EEIG1: variants seen among roughly 807,000 people sequenced by gnomAD.
The protein encoded by EEIG1 is early estrogen-induced gene 1 protein.
the EEIG1 span, chr9:127,950,706 G>A: frequency 4.3e-6 from 6 of 1,407,188 alleles, no homozygotes; most frequent in Non-Finnish European, 5.6e-6. Flanking sequence ...CAAGGACAGA[G>A]GCCCCGGGTC....
chr9:127,949,098 G>A, the EEIG1 span, among the ~76,000 whole-genome samples: 1 of 152,018 alleles, frequency 6.6e-6, no homozygotes, highest in Non-Finnish European at 1.5e-5. Context: ...GGCAGATCAC[G>A]AGGTCAGGGG....
At chr9:127,944,942 T>A in the EEIG1 span, 3 of 1,594,262 alleles carry the variant, frequency 1.9e-6, no homozygotes, top group Non-Finnish European at 2.6e-6. Flanking sequence ...GTCAGGGCAG[T>A]AACAGGTACA....
the EEIG1 span, among the ~76,000 whole-genome samples, chr9:127,945,998 C>T: frequency 3.3e-5 from 5 of 152,362 alleles, no homozygotes; most frequent in South Asian, 4.1e-4. The surrounding 1 kb of genome is among the most constrained non-coding windows in gnomAD (Gnocchi z 6.5). Context: ...GGAAGAAGAA[C>T]GCTGAACAAA....
chr9:127,943,614 C>T, the EEIG1 span: 2 of 245,616 alleles, frequency 8.1e-6, no homozygotes, highest in Admixed American at 1.0e-4. Flanking sequence ...CTTTCCCTGC[C>T]GAGCCCAGGC....
At chr9:127,947,782 C>T in the EEIG1 span, among the ~76,000 whole-genome samples, 1 of 152,172 alleles carries the variant, frequency 6.6e-6, no homozygotes, top group Non-Finnish European at 1.5e-5. Context: ...GGTAGACATG[C>T]ATTTATCTAT....
At chr9:127,944,865 G>T in the EEIG1 span, 1 of 1,612,446 alleles carries the variant, frequency 6.2e-7, no homozygotes, top group Non-Finnish European at 8.5e-7. Context: ...CGTCCACCCA[G>T]GTCGGGTGGC....
At chr9:127,945,690 G>C in the EEIG1 span, 7 of 1,592,944 alleles carry the variant, frequency 4.4e-6, no homozygotes, top group Non-Finnish European at 6.0e-6. This position sits in a 1 kb window ranked among gnomAD's most constrained non-coding sequence, Gnocchi z 6.5. Context: ...GGAGTTGCGG[G>C]AGTGGCCAGA....
the EEIG1 span, chr9:127,944,838 C>T: frequency 2.6e-5 from 42 of 1,612,256 alleles, no homozygotes; most frequent in African/African-American, 8.0e-5. Flanking sequence ...CGATGGCATC[C>T]GCATCGATCC....
At chr9:127,947,792 T>C in the EEIG1 span, among the ~76,000 whole-genome samples, 1 of 152,328 alleles carries the variant, frequency 6.6e-6, no homozygotes, top group Non-Finnish European at 1.5e-5. Context: ...CATTTATCTA[T>C]GGCTTGATTG....
the EEIG1 span, among the ~76,000 whole-genome samples, chr9:127,970,442 G>A: frequency 3.9e-5 from 6 of 152,058 alleles, no homozygotes; most frequent in South Asian, 4.1e-4. Flanking sequence ...TTTTGTCTCC[G>A]GCTTTCTTTG....
the EEIG1 span, chr9:127,950,552 A>G: frequency 6.2e-7 from 1 of 1,613,314 alleles, no homozygotes; most frequent in African/African-American, 1.3e-5. Flanking sequence ...AGGAGGTGAG[A>G]GGAGCGTGTG....
At chr9:127,948,261 G>A in the EEIG1 span, 1 of 1,613,132 alleles carries the variant, frequency 6.2e-7, no homozygotes, top group East Asian at 2.2e-5. Context: ...AGGGTGCCCT[G>A]CTTCAGGACC....
chr9:127,976,043 T>C, the EEIG1 span, among the ~76,000 whole-genome samples: 1 of 152,222 alleles, frequency 6.6e-6, no homozygotes, highest in Non-Finnish European at 1.5e-5. The surrounding 1 kb of genome is among the most constrained non-coding windows in gnomAD (Gnocchi z 4.1). Context: ...GGGACACTTT[T>C]CCTTGGACCT....
At chr9:127,969,455 C>T in the EEIG1 span, among the ~76,000 whole-genome samples, 1 of 152,194 alleles carries the variant, frequency 6.6e-6, no homozygotes, top group Admixed American at 6.5e-5. Context: ...ACCAATGCTG[C>T]CAGCCTTTAC....
At chr9:127,961,992 C>T in the EEIG1 span, among the ~76,000 whole-genome samples, 2 of 152,108 alleles carry the variant, frequency 1.3e-5, no homozygotes, top group East Asian at 1.9e-4. Flanking sequence ...CACGTGTATG[C>T]GACTGGTCAC....
the EEIG1 span, among the ~76,000 whole-genome samples, chr9:127,969,209 G>A: frequency 1.9e-4 from 29 of 152,316 alleles, no homozygotes; most frequent in East Asian, 5.6e-3. Context: ...CCACCCCACT[G>A]TGCTCAGCAC....
At chr9:127,952,455 C>A in the EEIG1 span, among the ~76,000 whole-genome samples, 3 of 152,224 alleles carry the variant, frequency 2.0e-5, no homozygotes, top group African/African-American at 7.2e-5. Flanking sequence ...GAAGGCAGAG[C>A]AGGCTTATTC....
the EEIG1 span, chr9:127,963,721 C>T: frequency 6.6e-6 from 1 of 152,334 alleles, no homozygotes; most frequent in Non-Finnish European, 1.5e-5. Flanking sequence ...GACACACAGA[C>T]CTGTATCCCA....
the EEIG1 span, chr9:127,950,499 G>A: frequency 9.9e-6 from 16 of 1,613,926 alleles, no homozygotes; most frequent in South Asian, 3.3e-5. Context: ...CGTGGAGCCC[G>A]AGCCCGCAAA....
Sources: allele counts gnomAD v4.1 joint callset (sites outside exome capture counted in the v4.1 genomes callset), GRCh38; gene constraint gnomAD v4.1.1; non-coding constraint Gnocchi (gnomAD v3.1); transcripts MANE v1.5; gene names NCBI Gene and HGNC (gene_info 2026-07-23, HGNC 2026-07-21).